Variants in COL23A1 observed in about 807,000 individuals in gnomAD.
COL23A1 encodes the protein collagen alpha-1(XXIII) chain.
A neutral mutation model predicts 99.3 loss-of-function variants in COL23A1; 97 were observed. The observed-to-expected ratio is 0.98, with a 90% CI of 0.83 to 1.16. The LOEUF is 1.16. Among genes scored for constraint, COL23A1 ranks in the 50% most tolerant of loss-of-function variants. The pLI is 0.00. For synonymous variants in COL23A1, 320 were observed against 308.2 expected (o/e 1.04, Z -0.40); for missense variants, 762 against 757.4 (o/e 1.01, Z -0.07).
At chr5:178,545,559 C>T (rs74963083) in intron 2 of COL23A1, among the ~76,000 whole-genome samples, 2,509 of 152,220 alleles carry the variant, frequency 0.016, 32 homozygotes, top group African/African-American at 0.033. Flanking sequence ...ACTCGGCCTG[C>T]CAATAACCTA....
intron 2 of COL23A1, among the ~76,000 whole-genome samples, chr5:178,449,391 G>A (rs1048506205): frequency 2.6e-5 from 4 of 152,148 alleles, no homozygotes; most frequent in African/African-American, 7.2e-5. Context: ...TCGCCTTCTG[G>A]TCATGACTCT....
At chr5:178,375,930 C>T (rs776305087) in intron 2 of COL23A1, among the ~76,000 whole-genome samples, 22 of 152,318 alleles carry the variant, frequency 1.4e-4, no homozygotes, top group African/African-American at 2.2e-4. Context: ...TGGTCTCGAA[C>T]TACTGACCTC....
intron 2 of COL23A1, among the ~76,000 whole-genome samples, chr5:178,476,701 G>A (rs1229372563): frequency 6.6e-6 from 1 of 152,212 alleles, no homozygotes; most frequent in African/African-American, 2.4e-5. Flanking sequence ...TGTGCGTGGT[G>A]TGTGCCTGTC....
intron 3 of COL23A1, among the ~76,000 whole-genome samples, chr5:178,304,290 C>T (rs1204279354): frequency 6.6e-6 from 1 of 152,180 alleles, no homozygotes; most frequent in Non-Finnish European, 1.5e-5. Flanking sequence ...GGGCGGATCA[C>T]TTGAGGCCAG....
At chr5:178,319,305 C>T in intron 2 of COL23A1, among the ~76,000 whole-genome samples, 1 of 152,218 alleles carries the variant, frequency 6.6e-6, no homozygotes. Flanking sequence ...TTCCTCAACT[C>T]TCCATTCACC....
At chr5:178,413,411 C>A (rs1340343715) in intron 2 of COL23A1, among the ~76,000 whole-genome samples, 11 of 152,146 alleles carry the variant, frequency 7.2e-5, no homozygotes, top group Admixed American at 7.2e-4. Context: ...ACCTTGAATT[C>A]AACGAGTCCT....
At chr5:178,523,201 T>TATATATAGAGAGAGAGAG (rs1223542330) in intron 2 of COL23A1, among the ~76,000 whole-genome samples, 2 of 77,616 alleles carry the variant, frequency 2.6e-5, no homozygotes, top group East Asian at 3.3e-4. Context: ...TATATATATA[T>TATATATAGAGAGAGAGAG]AGAGAGAGAG....
At chr5:178,576,704 C>A (rs1177365176) in intron 1 of COL23A1, among the ~76,000 whole-genome samples, 1 of 152,056 alleles carries the variant, frequency 6.6e-6, no homozygotes, top group African/African-American at 2.4e-5. Context: ...CCCACGGCCG[C>A]GGTCTCCTCC....
chr5:178,413,221 C>T (rs913248842), intron 2 of COL23A1, among the ~76,000 whole-genome samples: 1 of 152,192 alleles, frequency 6.6e-6, no homozygotes, highest in African/African-American at 2.4e-5. Context: ...GTTCCACTGT[C>T]TTCTGATGCT....
chr5:178,275,091 G>A (rs918214365), intron 5 of COL23A1, among the ~76,000 whole-genome samples: 5 of 152,218 alleles, frequency 3.3e-5, no homozygotes, highest in Admixed American at 2.6e-4. Flanking sequence ...CCCAGCCCTG[G>A]TGCTGCCTCA....
chr5:178,373,963 G>A (rs567864123), intron 2 of COL23A1, among the ~76,000 whole-genome samples: 1 of 152,276 alleles, frequency 6.6e-6, no homozygotes, highest in East Asian at 1.9e-4. Flanking sequence ...GGCCGGAGGG[G>A]AAGTGCAGCA....
intron 2 of COL23A1, among the ~76,000 whole-genome samples, chr5:178,461,396 C>G (rs1166652308): frequency 6.6e-6 from 1 of 152,236 alleles, no homozygotes; most frequent in Admixed American, 6.5e-5. Context: ...CTGCCATCCC[C>G]AGTGCCTCTA....
At chr5:178,431,273 G>C (rs1036093207) in intron 2 of COL23A1, among the ~76,000 whole-genome samples, 3 of 152,122 alleles carry the variant, frequency 2.0e-5, no homozygotes, top group Non-Finnish European at 4.4e-5. Flanking sequence ...GGTGTGTCCT[G>C]GTCAGAGCTG....
At position 178,237,638 on chromosome 5, in the gene COL23A1, T is replaced by C. The variant is rs1389525801; in HGVS notation, c.*1060A>G. The C allele has an allele frequency of 6.6e-6, 1 of 151,994 alleles. No homozygotes were observed. The highest frequency in any genetic ancestry group is 2.4e-5 in the African/African-American group (1 of 41,184). 9.4% of individuals were successfully genotyped at this position (151,994 alleles called of 1,614,324 possible). The stretch of plus-strand genomic sequence containing the variant: ...ACCCAGACACGCACTTGTGGTTTAT[T>C]ACACACAGTGATCTCCATCTACACG... On this transcript the variant is annotated 3_prime_UTR_variant, in exon 29 of 29. Transcript: ENST00000390654.
intron 2 of COL23A1, among the ~76,000 whole-genome samples, chr5:178,443,410 A>C (rs112614314): frequency 1.6e-4 from 25 of 152,320 alleles, no homozygotes; most frequent in African/African-American, 5.8e-4. Flanking sequence ...AAGTTACGAA[A>C]AACGAAAATC....
At chr5:178,318,851 G>A (rs1436753914) in intron 2 of COL23A1, among the ~76,000 whole-genome samples, 3 of 150,388 alleles carry the variant, frequency 2.0e-5, no homozygotes, top group Non-Finnish European at 2.9e-5. Context: ...GCAGCGAGCC[G>A]AGATTGTGCC....
chr5:178,361,738 C>T (rs565492214), intron 2 of COL23A1, among the ~76,000 whole-genome samples: 4 of 152,338 alleles, frequency 2.6e-5, no homozygotes, highest in East Asian at 3.9e-4. Context: ...CCTGTGACCC[C>T]TTGGGAACCG....
chr5:178,490,317 A>C (rs1757860024), intron 2 of COL23A1, among the ~76,000 whole-genome samples: 1 of 152,216 alleles, frequency 6.6e-6, no homozygotes, highest in Non-Finnish European at 1.5e-5. Context: ...AACTTTGAGG[A>C]TATTAAGCTA....
At chr5:178,502,274 G>A (rs1178400943) in intron 2 of COL23A1, among the ~76,000 whole-genome samples, 1 of 152,166 alleles carries the variant, frequency 6.6e-6, no homozygotes, top group African/African-American at 2.4e-5. Flanking sequence ...TGGGACTACA[G>A]GCGCCCGCCA....
Sources: gnomAD v4.1 joint callset for allele counts (sites outside exome capture counted in the v4.1 genomes callset) on GRCh38, gnomAD v4.1.1 for gene constraint, MANE v1.5 for transcripts, NCBI Gene and HGNC (gene_info 2026-07-23, HGNC 2026-07-21) for gene names.